FAM219A: variants seen among roughly 807,000 people sequenced by gnomAD.
The protein encoded by FAM219A is protein FAM219A.
Under a neutral mutation model 23.4 loss-of-function variants are expected in FAM219A, and 7 were observed. The observed-to-expected ratio is 0.30, with a 90% CI of 0.17 to 0.56. The LOEUF is 0.56. Among genes scored for constraint, FAM219A ranks in the 20% least tolerant of loss-of-function variants. FAM219A has a pLI of 0.92. For missense variants in FAM219A, 166 were observed against 246.9 expected (o/e 0.67, Z 2.20); for synonymous variants, 93 against 99.0 (o/e 0.94, Z 0.36).
rs991358904 is a variant in FAM219A, at chr9:34,457,179, G to A, written c.60+1025C>T. ...CCTTCCAATTCCAGCTCAGGCTCCAGGGGGATAAAGCGAACACAGCCTAGA... is the reference window on the plus strand; with the variant it reads ...CCTTCCAATTCCAGCTCAGGCTCCAAGGGGATAAAGCGAACACAGCCTAGA... On this transcript the variant is annotated intron_variant, in intron 1 of 5. Coordinates refer to ENST00000651358, the MANE Select transcript of FAM219A (RefSeq NM_001184940.2). The surrounding 1 kb of genome is among the most constrained non-coding windows in gnomAD (Gnocchi z 5.1). 6.6e-6 allele frequency among the ~76,000 whole-genome samples: 1 copy of A among 152,198 alleles called. No homozygotes were observed. Among genetic ancestry groups the A allele is most frequent in the African/African-American group, 2.4e-5 (1 of 41,446 alleles).
intron 1 of FAM219A, among the ~76,000 whole-genome samples, chr9:34,448,494 G>A (rs1379326986): frequency 6.6e-6 from 1 of 152,178 alleles, no homozygotes; most frequent in Non-Finnish European, 1.5e-5. Flanking sequence ...GGTAATGCCT[G>A]TTTATCATCC....
At chr9:34,404,660 A>T (rs1563998077) in intron 2 of FAM219A, among the ~76,000 whole-genome samples, 1 of 152,204 alleles carries the variant, frequency 6.6e-6, no homozygotes, top group Non-Finnish European at 1.5e-5. Context: ...GTGAGCCAAG[A>T]TCATGCCACT....
intron 1 of FAM219A, among the ~76,000 whole-genome samples, chr9:34,428,757 C>T (rs952829657): frequency 2.0e-5 from 3 of 152,248 alleles, no homozygotes; most frequent in Admixed American, 6.5e-5. Context: ...TTGAACAAAA[C>T]CCAACACAAA....
intron 1 of FAM219A, among the ~76,000 whole-genome samples, chr9:34,448,751 G>A (rs1281584260): frequency 6.6e-6 from 1 of 152,036 alleles, no homozygotes; most frequent in Non-Finnish European, 1.5e-5. Flanking sequence ...ACAGCCCAAG[G>A]TAAAAATGAG....
At chr9:34,426,761 A>G (rs1822496695) in intron 1 of FAM219A, among the ~76,000 whole-genome samples, 1 of 152,188 alleles carries the variant, frequency 6.6e-6, no homozygotes, top group South Asian at 2.1e-4. Context: ...AAAAATAGAG[A>G]GAGGATTGCA....
At chr9:34,401,167 C>T (rs1588027344) in intron 5 of FAM219A, 45 bp from the exon 6 acceptor site, 6 of 1,600,124 alleles carry the variant, frequency 3.7e-6, no homozygotes, top group Middle Eastern at 1.7e-4. Context: ...GGCAGGGAGG[C>T]ACCACCCACA....
intron 1 of FAM219A, among the ~76,000 whole-genome samples, chr9:34,420,575 A>G (rs1243468668): frequency 6.6e-6 from 1 of 152,160 alleles, no homozygotes; most frequent in Non-Finnish European, 1.5e-5. Context: ...CCATTGAGAT[A>G]AACAGATAAC....
At chr9:34,433,691 C>T (rs1032993827) in intron 1 of FAM219A, among the ~76,000 whole-genome samples, 1 of 152,138 alleles carries the variant, frequency 6.6e-6, no homozygotes, top group South Asian at 2.1e-4. Context: ...GATCTCTTTG[C>T]CCTAACTGTC....
At chr9:34,437,723 A>C (rs1314633075) in intron 1 of FAM219A, among the ~76,000 whole-genome samples, 1 of 152,234 alleles carries the variant, frequency 6.6e-6, no homozygotes, top group Non-Finnish European at 1.5e-5. Context: ...GTCTGGTGGC[A>C]GATAAGTAGT....
intron 1 of FAM219A, among the ~76,000 whole-genome samples, chr9:34,445,121 C>T (rs1823322787): frequency 6.6e-6 from 1 of 152,190 alleles, no homozygotes; most frequent in Admixed American, 6.5e-5. Context: ...CTACTCATCC[C>T]CCTCTAGGTC....
Position 34,400,876 on chromosome 9 carries a change from AG to A in FAM219A, c.*87del. On this transcript the variant is annotated 3_prime_UTR_variant, in exon 6 of 6. Coordinates refer to ENST00000651358, the MANE Select transcript of FAM219A (RefSeq NM_001184940.2). The stretch of plus-strand genomic sequence containing the variant: ...GCTGTAGGGGCGCGGGGCCGGGGGC[AG>A]GCAGACGAGCTGGGAAGGGGTCGGC... 7.4e-7 allele frequency: 1 copy of A among 1,356,786 alleles called. No individual in the cohort carries two copies. Among genetic ancestry groups the A allele is most frequent in the South Asian group, 1.5e-5 (1 of 65,602 alleles). The allele number at this position is 1,356,786 out of a possible 1,614,324, so 84.0% of individuals were successfully genotyped here.
chr9:34,420,003 C>T (rs1030933314), intron 1 of FAM219A, among the ~76,000 whole-genome samples: 1 of 152,194 alleles, frequency 6.6e-6, no homozygotes, highest in Non-Finnish European at 1.5e-5. Flanking sequence ...TCTTTGCCCA[C>T]AAAGATAATT....
rs150408115 is a variant in FAM219A, at chr9:34,436,057, G to A, written c.60+22147C>T. On this transcript the variant is annotated intron_variant, in intron 1 of 5. Coordinates refer to ENST00000651358, the MANE Select transcript of FAM219A (RefSeq NM_001184940.2). Reference sequence around the variant, plus strand: ...TGACCTCAGGTGATCTACCTGCCTTGGCCTCCCAATGTGCTGGGATTACAG... The same window carrying A: ...TGACCTCAGGTGATCTACCTGCCTTAGCCTCCCAATGTGCTGGGATTACAG... Among the ~76,000 whole-genome samples, 4 of 152,142 alleles carry A rather than the reference G, an allele frequency of 2.6e-5. No individual in the cohort carries two copies. The East Asian group carries it at 5.8e-4, about 22-fold the overall frequency.
intron 1 of FAM219A, among the ~76,000 whole-genome samples, chr9:34,420,296 A>AGC (rs1822217139): frequency 6.6e-6 from 1 of 152,200 alleles, no homozygotes; most frequent in East Asian, 1.9e-4. Flanking sequence ...GGGTGGTAGG[A>AGC]GCACAGAGGA....
chr9:34,414,778 T>C (rs1821939421), intron 1 of FAM219A, among the ~76,000 whole-genome samples: 1 of 152,222 alleles, frequency 6.6e-6, no homozygotes, highest in South Asian at 2.1e-4. Context: ...GAGTCTTCTC[T>C]TATCAGTCTA....
intron 1 of FAM219A, among the ~76,000 whole-genome samples, chr9:34,432,339 T>C (rs1822745528): frequency 6.6e-6 from 1 of 152,222 alleles, no homozygotes; most frequent in African/African-American, 2.4e-5. Context: ...CTACCTGCTC[T>C]ACTTAACACT....
chr9:34,413,769 G>A (rs2131946644), intron 1 of FAM219A, among the ~76,000 whole-genome samples: 2 of 152,298 alleles, frequency 1.3e-5, no homozygotes, highest in Middle Eastern at 3.4e-3. Context: ...ATAATAGCAG[G>A]AGGCAGGATA....
chr9:34,432,413 TCTACCACCTTGGGCATCACTGGA>T (rs1822749248), intron 1 of FAM219A, among the ~76,000 whole-genome samples: 1 of 152,226 alleles, frequency 6.6e-6, no homozygotes, highest in Admixed American at 6.5e-5. Context: ...CAGGTGATCT[TCTACCACCTTGGGCATCACTGGA>T]CAGTGCTGAC....
At chr9:34,452,352 T>C (rs1288167582) in intron 1 of FAM219A, among the ~76,000 whole-genome samples, 1 of 152,206 alleles carries the variant, frequency 6.6e-6, no homozygotes, top group Non-Finnish European at 1.5e-5. Context: ...AAGAAGTCCC[T>C]GAGACCAAAA....
Sources: allele counts gnomAD v4.1 joint callset (sites outside exome capture counted in the v4.1 genomes callset), GRCh38; gene constraint gnomAD v4.1.1; non-coding constraint Gnocchi (gnomAD v3.1); transcripts MANE v1.5; gene names NCBI Gene and HGNC (gene_info 2026-07-23, HGNC 2026-07-21).